Variants in TEK observed in about 807,000 individuals in gnomAD.
TEK encodes the protein TEK receptor tyrosine kinase.
In TEK, 43 loss-of-function variants were observed where a neutral mutation model predicts 131.8. The observed-to-expected ratio is 0.33, with a 90% CI of 0.26 to 0.42. The LOEUF (loss-of-function observed/expected upper bound fraction) is 0.42. TEK is among the 10% of genes least tolerant of loss of function. The pLI, the probability that TEK is intolerant of heterozygous loss-of-function variation, is 1.00. For missense variants in TEK, 1,162 were observed against 1,384.4 expected (o/e 0.84, Z 2.55); for synonymous variants, 580 against 491.6 (o/e 1.18, Z -2.38).
chr9:27,214,657 C>T (rs1194344530), intron 18 of TEK, among the ~76,000 whole-genome samples: 1 of 151,986 alleles, frequency 6.6e-6, no homozygotes, highest in Admixed American at 6.6e-5. Context: ...ATATTTTTTT[C>T]ATTTTGGCTT....
intron 1 of TEK, among the ~76,000 whole-genome samples, chr9:27,134,907 T>C (rs558165803): frequency 2.0e-5 from 3 of 152,320 alleles, no homozygotes; most frequent in Non-Finnish European, 4.4e-5. Flanking sequence ...CATGTTTGTA[T>C]TGCTTCTCTG....
intron 2 of TEK, among the ~76,000 whole-genome samples, chr9:27,159,019 C>A (rs1823447300): frequency 6.6e-6 from 1 of 152,170 alleles, no homozygotes; most frequent in East Asian, 1.9e-4. Context: ...ACCACAGTGG[C>A]ATACAATAAT....
intron 1 of TEK, among the ~76,000 whole-genome samples, chr9:27,128,959 C>T (rs1053848013): frequency 6.6e-6 from 1 of 152,152 alleles, no homozygotes; most frequent in African/African-American, 2.4e-5. Flanking sequence ...TACGTGAATA[C>T]CCTTTGTTTC....
rs371144141 is a variant in TEK at position 27,222,830 on chromosome 9, C to G, written c.3200+2685C>G. ...TAATGGGAAAAATAACCAGCTAGTG[C>G]AGCATAATGACAGGATCAAATTCAC... is the stretch of plus-strand genomic sequence containing the variant. On this transcript the variant is annotated intron_variant, in intron 21 of 22. Transcript: ENST00000380036. Among the ~76,000 whole-genome samples, 243 of 152,050 alleles carry G rather than the reference C, an allele frequency of 1.6e-3. 1 individual carries two copies. The highest frequency in any genetic ancestry group is 6.5e-4 in the Non-Finnish European group (44 of 68,002).
At chr9:27,111,762 C>A (rs1821357056) in intron 1 of TEK, among the ~76,000 whole-genome samples, 1 of 151,984 alleles carries the variant, frequency 6.6e-6, no homozygotes, top group South Asian at 2.1e-4. Flanking sequence ...AGGCTGTTCT[C>A]TTTAAAAAGT....
intron 15 of TEK, 73 bp from the exon 16 acceptor site, chr9:27,209,047 AG>A: frequency 2.0e-6 from 2 of 980,232 alleles, no homozygotes; most frequent in Non-Finnish European, 1.6e-6. Flanking sequence ...GAAGGTTCTT[AG>A]GGGGCAGGAC....
chr9:27,119,944 C>T (rs1004526045), intron 1 of TEK, among the ~76,000 whole-genome samples: 2 of 152,016 alleles, frequency 1.3e-5, no homozygotes, highest in Non-Finnish European at 2.9e-5. Context: ...AAAGAAATAG[C>T]TCTCCCCCCA....
intron 16 of TEK, among the ~76,000 whole-genome samples, chr9:27,209,822 A>G (rs1191691669): frequency 6.6e-6 from 1 of 152,232 alleles, no homozygotes; most frequent in African/African-American, 2.4e-5. Flanking sequence ...ATTAATTCAA[A>G]TGTTTATTGA....
At position 27,180,257 on chromosome 9, in the gene TEK, T is replaced by TA; in HGVS notation, c.920dup (p.Tyr307Ter). The TA allele has an allele frequency of 6.2e-7, 1 of 1,613,908 alleles. No individual in the cohort carries two copies. The highest frequency in any genetic ancestry group is 8.5e-7 in the Non-Finnish European group (1 of 1,179,836). Residue 307 changes from tyrosine (Y) to a stop codon, truncating the protein, a stop_gained and frameshift_variant, in exon 7 of 23, where the codon TAC (tyrosine) becomes TAAC (stop). Coordinates refer to ENST00000380036, the MANE Select transcript of TEK (RefSeq NM_000459.5). LOFTEE classifies it high-confidence loss of function. The part of the protein sequence containing the change: ...QCNEACHPGF[Y>*]GPDCKLRCSC... ...GTTTACAGCATGCCACCCTGGTTTT[T>TA]ACGGGCCAGATTGTAAGCTTAGGTG...
chr9:27,192,669 G>A, intron 11 of TEK, 46 bp downstream of exon 11: 3 of 1,586,490 alleles, frequency 1.9e-6, no homozygotes, highest in Non-Finnish European at 1.7e-6. Flanking sequence ...GGGTGGGAGG[G>A]GGAGGAAGGG....
chr9:27,124,955 T>C (rs1821934669), intron 1 of TEK, among the ~76,000 whole-genome samples: 1 of 152,186 alleles, frequency 6.6e-6, no homozygotes, highest in Non-Finnish European at 1.5e-5. Flanking sequence ...GCAGAAGGGC[T>C]TGAAGGAGTG....
intron 1 of TEK, among the ~76,000 whole-genome samples, chr9:27,112,492 G>T (rs1320829643): frequency 6.6e-6 from 1 of 152,178 alleles, no homozygotes; most frequent in African/African-American, 2.4e-5. Flanking sequence ...TTCCCTTTCA[G>T]CCCTGCCCTG....
At chr9:27,204,867 T>C in intron 13 of TEK, 44 bp from the exon 14 acceptor site, 2 of 1,612,132 alleles carry the variant, frequency 1.2e-6, no homozygotes, top group East Asian at 2.2e-5. Flanking sequence ...TCTGTTTCTC[T>C]ATGTAAACTA....
chr9:27,229,271 G>T lies in TEK; in HGVS notation c.*39G>T. 6.3e-7 allele frequency: 1 copy of T among 1,596,580 alleles called. No homozygotes were observed. Among genetic ancestry groups the T allele is most frequent in the Non-Finnish European group, 8.6e-7 (1 of 1,164,316 alleles). Reference sequence around the variant, plus strand: ...TATACCCTCTGTTTCCCTTTCACTGGCATGGGAGACCCTTGACACCTGCTG... The same window carrying T: ...TATACCCTCTGTTTCCCTTTCACTGTCATGGGAGACCCTTGACACCTGCTG... On this transcript the variant is annotated 3_prime_UTR_variant, in exon 23 of 23. Coordinates refer to ENST00000380036, the MANE Select transcript of TEK (RefSeq NM_000459.5).
chr9:27,172,008 G>A (rs1331239391), intron 4 of TEK, among the ~76,000 whole-genome samples: 1 of 152,184 alleles, frequency 6.6e-6, no homozygotes, highest in East Asian at 1.9e-4. Flanking sequence ...TTGATATATA[G>A]TTGTTTGAGA....
chr9:27,128,355 T>C (rs1477271336), intron 1 of TEK, among the ~76,000 whole-genome samples: 2 of 152,206 alleles, frequency 1.3e-5, no homozygotes, highest in Non-Finnish European at 2.9e-5. Context: ...TTGGTAGCAG[T>C]ACCATGCTGT....
intron 12 of TEK, among the ~76,000 whole-genome samples, chr9:27,202,044 A>T (rs1825231967): frequency 6.6e-6 from 1 of 152,178 alleles, no homozygotes; most frequent in South Asian, 2.1e-4. Context: ...CTTAGCCTTT[A>T]TTGGATCACG....
intron 7 of TEK, among the ~76,000 whole-genome samples, chr9:27,182,054 G>A (rs1443290762): frequency 6.6e-6 from 1 of 152,128 alleles, no homozygotes; most frequent in African/African-American, 2.4e-5. Flanking sequence ...ATCAGGGAGT[G>A]GTTAGAAAGG....
intron 1 of TEK, among the ~76,000 whole-genome samples, chr9:27,113,347 T>G (rs1265269111): frequency 6.6e-6 from 1 of 152,132 alleles, no homozygotes; most frequent in Non-Finnish European, 1.5e-5. Context: ...ATACAGCACT[T>G]TGGGAGGCCC....
Sources: gnomAD v4.1 joint callset for allele counts (sites outside exome capture counted in the v4.1 genomes callset) on GRCh38, gnomAD v4.1.1 for gene constraint, MANE v1.5 for transcripts, NCBI Gene and HGNC (gene_info 2026-07-23, HGNC 2026-07-21) for gene names.